The following CDH12 variants were observed in gnomAD, a reference collection of about 807,000 sequenced individuals.
The protein encoded by CDH12 is cadherin 12.
In CDH12, 41 loss-of-function variants were observed where a neutral mutation model predicts 74.1. The observed-to-expected ratio is 0.55, with a 90% CI of 0.43 to 0.72. CDH12 has a LOEUF of 0.72. CDH12 is among the 30% of genes least tolerant of loss of function. CDH12 has a pLI of 0.00. For missense variants in CDH12, 945 were observed against 977.2 expected (o/e 0.97, Z 0.44); for synonymous variants, 399 against 355.0 (o/e 1.12, Z -1.39).
intron 1 of CDH12, among the ~76,000 whole-genome samples, chr5:22,651,876 G>A (rs1009831063): frequency 6.6e-6 from 1 of 152,002 alleles, no homozygotes; most frequent in African/African-American, 2.4e-5. Flanking sequence ...TTATAAAGGA[G>A]CAAATCTTTT....
intron 1 of CDH12, among the ~76,000 whole-genome samples, chr5:22,516,075 T>C (rs1312671759): frequency 6.6e-6 from 1 of 152,090 alleles, no homozygotes; most frequent in Non-Finnish European, 1.5e-5. Context: ...ATGCCCAAAC[T>C]GATTAGTAAA....
chr5:22,250,067 C>G lies in CDH12; in HGVS notation c.-332-37424G>C, dbSNP rs141218039. 3.6e-3 allele frequency among the ~76,000 whole-genome samples: 540 copies of G among 151,624 alleles called. 7 individuals are homozygous for G. The highest frequency in any genetic ancestry group is 0.012 in the African/African-American group (509 of 41,306). The stretch of plus-strand genomic sequence containing the variant: ...GGGAAGTATTGCAGAAAAAACTGAA[C>G]AGAATTTTTAAAGACTTGGGATCTG... On this transcript the variant is annotated intron_variant, in intron 3 of 14. Coordinates refer to ENST00000382254, the MANE Select transcript of CDH12 (RefSeq NM_004061.5).
chr5:22,397,658 G>C (rs1742515103), intron 3 of CDH12, among the ~76,000 whole-genome samples: 1 of 152,074 alleles, frequency 6.6e-6, no homozygotes, highest in African/African-American at 2.4e-5. Flanking sequence ...TAAAGTAGTA[G>C]AATAAGAAGC....
At chr5:22,299,484 A>C (rs991300839) in intron 3 of CDH12, among the ~76,000 whole-genome samples, 1 of 152,230 alleles carries the variant, frequency 6.6e-6, no homozygotes, top group African/African-American at 2.4e-5. Flanking sequence ...ATTATTATTT[A>C]AATCATTATG....
At chr5:22,772,930 A>G (rs184395472) in intron 1 of CDH12, among the ~76,000 whole-genome samples, 1 of 152,250 alleles carries the variant, frequency 6.6e-6, no homozygotes, top group East Asian at 1.9e-4. Context: ...TAAAATACCT[A>G]GAAATACAAC....
chr5:21,975,535 T>G (rs1183358475), intron 5 of CDH12, 150 bp from the exon 6 acceptor site: 2 of 610,342 alleles, frequency 3.3e-6, no homozygotes, highest in Non-Finnish European at 5.4e-6. Flanking sequence ...GGTTCTGTTT[T>G]CTCGTTTTTT....
chr5:21,753,551 C>G (rs563223174), intron 14 of CDH12, among the ~76,000 whole-genome samples: 2 of 152,320 alleles, frequency 1.3e-5, no homozygotes, highest in African/African-American at 4.8e-5. Context: ...CCATACCTTT[C>G]TGTTCTTTCT....
chr5:22,317,100 C>T (rs1738664691), intron 3 of CDH12, among the ~76,000 whole-genome samples: 1 of 152,132 alleles, frequency 6.6e-6, no homozygotes, highest in East Asian at 1.9e-4. Context: ...GGCAGATCAC[C>T]CGAGCTCAGG....
At chr5:22,381,158 CAT>C (rs1170880233) in intron 3 of CDH12, among the ~76,000 whole-genome samples, 6 of 151,918 alleles carry the variant, frequency 3.9e-5, no homozygotes, top group East Asian at 1.9e-4. Context: ...CTTGGGGAAA[CAT>C]GTCATTTTTA....
At chr5:21,978,419 C>T (rs760315377) in intron 5 of CDH12, among the ~76,000 whole-genome samples, 17 of 152,104 alleles carry the variant, frequency 1.1e-4, no homozygotes, top group Non-Finnish European at 1.8e-4. Context: ...CTGGGATTAT[C>T]GGCATGAGCC....
chr5:22,079,251 T>C (rs1395430431), intron 4 of CDH12, among the ~76,000 whole-genome samples: 1 of 152,180 alleles, frequency 6.6e-6, no homozygotes, highest in African/African-American at 2.4e-5. Context: ...AGCTATTTTG[T>C]GCATTTTAAG....
At chr5:22,561,209 A>G (rs1739032711) in intron 1 of CDH12, among the ~76,000 whole-genome samples, 1 of 152,160 alleles carries the variant, frequency 6.6e-6, no homozygotes, top group South Asian at 2.1e-4. Context: ...GGAGACATTC[A>G]ACTTTCAAAT....
intron 1 of CDH12, among the ~76,000 whole-genome samples, chr5:22,509,074 A>G (rs1736503259): frequency 1.3e-5 from 2 of 152,330 alleles, no homozygotes; most frequent in South Asian, 2.1e-4. Context: ...CTATCTCACT[A>G]CAAGACAGTG....
intron 1 of CDH12, among the ~76,000 whole-genome samples, chr5:22,540,028 G>A (rs900723346): frequency 3.3e-5 from 5 of 152,168 alleles, no homozygotes; most frequent in Non-Finnish European, 4.4e-5. Flanking sequence ...ATGTCAATGA[G>A]ATGTTCTACT....
rs1342030045 is a variant in CDH12 at position 22,039,547 on chromosome 5, TC to T, written c.231+38898del. On this transcript the variant is annotated intron_variant, in intron 5 of 14. Transcript: ENST00000382254. ...TGCAATTACTTGTAGGCCCTGTCAA[TC>T]CCATCACCAAGAAGGATCAGCTCTA... is the stretch of plus-strand genomic sequence containing the variant. Among the ~76,000 whole-genome samples, 7 of 152,188 alleles carry T rather than the reference TC, an allele frequency of 4.6e-5. No individual in the cohort carries two copies. The East Asian group carries it at 1.4e-3, about 29-fold the overall frequency.
chr5:22,591,051 A>G (rs1736290180), intron 1 of CDH12, among the ~76,000 whole-genome samples: 1 of 152,108 alleles, frequency 6.6e-6, no homozygotes, highest in African/African-American at 2.4e-5. Flanking sequence ...AACTTGATTT[A>G]TTGCTTTCCT....
rs143442861 is a variant in CDH12, at chr5:22,328,433, G to A, written c.-333+76824C>T. Among the ~76,000 whole-genome samples, 69 of 152,240 alleles carry A rather than the reference G, an allele frequency of 4.5e-4. No homozygotes were observed. The South Asian group carries it at 0.013, about 28-fold the overall frequency. Reference sequence around the variant, plus strand: ...ACTTCATGGATTTACAGTATGTGTCGTTCCAGAGAGCCATACATCTAGTTA... The same window carrying A: ...ACTTCATGGATTTACAGTATGTGTCATTCCAGAGAGCCATACATCTAGTTA... On this transcript the variant is annotated intron_variant, in intron 3 of 14. Coordinates refer to ENST00000382254, the MANE Select transcript of CDH12 (RefSeq NM_004061.5).
intron 4 of CDH12, among the ~76,000 whole-genome samples, chr5:22,079,419 G>T (rs895265639): frequency 7.2e-5 from 11 of 152,016 alleles, no homozygotes; most frequent in Middle Eastern, 3.2e-3. Flanking sequence ...AGAGAATAAA[G>T]AAAACAATTT....
intron 1 of CDH12, among the ~76,000 whole-genome samples, chr5:22,778,525 A>G (rs916956246): frequency 6.6e-6 from 1 of 152,180 alleles, no homozygotes; most frequent in Non-Finnish European, 1.5e-5. Flanking sequence ...TCAACAAACT[A>G]TGAGAACTAA....
Sources: allele counts gnomAD v4.1 joint callset (sites outside exome capture counted in the v4.1 genomes callset), GRCh38; gene constraint gnomAD v4.1.1; transcripts MANE v1.5; gene names NCBI Gene and HGNC (gene_info 2026-07-23, HGNC 2026-07-21).